HECW1: variants seen among roughly 807,000 people sequenced by gnomAD.
HECW1 encodes HECT, C2 and WW domain containing E3 ubiquitin protein ligase 1.
HECW1 carries 61 observed loss-of-function variants against 182.3 expected under a neutral mutation model. That is an observed-to-expected ratio of 0.33 (90% CI 0.27 to 0.41). The LOEUF is 0.41. HECW1 is among the 10% of genes least tolerant of loss of function. The pLI is 1.00. For missense variants in HECW1, 1,739 were observed against 2,108.9 expected (o/e 0.82, Z 3.44); for synonymous variants, 859 against 832.6 (o/e 1.03, Z -0.55).
At chr7:43,384,005 TGAGGAG>T (rs781072561) in intron 6 of HECW1, among the ~76,000 whole-genome samples, 3 of 152,036 alleles carry the variant, frequency 2.0e-5, no homozygotes, top group Non-Finnish European at 4.4e-5. Flanking sequence ...TTGAGTAGAC[TGAGGAG>T]GAGGAGGAGG....
At chr7:43,492,511 GT>G (rs2078969902) in intron 18 of HECW1, among the ~76,000 whole-genome samples, 1 of 152,116 alleles carries the variant, frequency 6.6e-6, no homozygotes, top group South Asian at 2.1e-4. Flanking sequence ...GAATTTTACT[GT>G]TTTTAGACAG....
chr7:43,444,792 C>T lies in HECW1; in HGVS notation c.1620C>T (p.Ser540=), dbSNP rs745720386. Residue 540 remains serine, a synonymous_variant, in exon 11 of 30, where the codon TCC becomes TCT. Transcript: ENST00000395891. The surrounding 1 kb of genome is among the most constrained non-coding windows in gnomAD (Gnocchi z 4.3). ...RKSRPCSLPV[S]ELETVIASAC... is the part of the protein sequence containing the mutation. ...GCAGGCCCTGCTCCTTGCCTGTGTC[C>T]GAGCTGGAGACGGTGATCGCGTCAG... 5.6e-6 allele frequency: 9 copies of T among 1,613,984 alleles called. No homozygotes were observed. Among genetic ancestry groups the T allele is most frequent in the Admixed American group, 5.0e-5 (3 of 60,008 alleles).
chr7:43,370,858 A>G (rs1202190124), intron 6 of HECW1, among the ~76,000 whole-genome samples: 3 of 151,796 alleles, frequency 2.0e-5, no homozygotes, highest in Non-Finnish European at 2.9e-5. Flanking sequence ...GAATAGGAGG[A>G]TCACAGAGGA....
At chr7:43,142,538 G>A (rs555796630) in intron 2 of HECW1, among the ~76,000 whole-genome samples, 2 of 152,266 alleles carry the variant, frequency 1.3e-5, no homozygotes, top group South Asian at 2.1e-4. Flanking sequence ...CAAAGCCAAC[G>A]TCCTGCTAGG....
chr7:43,145,998 T>C (rs1212492195), intron 2 of HECW1, among the ~76,000 whole-genome samples: 1 of 152,194 alleles, frequency 6.6e-6, no homozygotes, highest in African/African-American at 2.4e-5. Flanking sequence ...GATTTATCAC[T>C]TGGGGCCCTT....
At chr7:43,213,565 C>G (rs1342694075) in intron 2 of HECW1, among the ~76,000 whole-genome samples, 2 of 151,516 alleles carry the variant, frequency 1.3e-5, no homozygotes. Context: ...CCTGCCTCAG[C>G]CTCCTGAGTA....
At chr7:43,176,981 G>C (rs28568561) in intron 2 of HECW1, among the ~76,000 whole-genome samples, 1 of 152,140 alleles carries the variant, frequency 6.6e-6, no homozygotes, top group Non-Finnish European at 1.5e-5. Flanking sequence ...TGAGGCTGGA[G>C]TTTGAAAATT....
intron 3 of HECW1, among the ~76,000 whole-genome samples, chr7:43,291,267 C>T (rs1028454225): frequency 6.6e-6 from 1 of 152,218 alleles, no homozygotes; most frequent in Non-Finnish European, 1.5e-5. Flanking sequence ...ATCCTTTACG[C>T]ATTTGGATCA....
At chr7:43,267,125 A>G (rs1801887330) in intron 3 of HECW1, among the ~76,000 whole-genome samples, 1 of 152,184 alleles carries the variant, frequency 6.6e-6, no homozygotes, top group Admixed American at 6.6e-5. Context: ...AAAATCAAAT[A>G]ATATTTACAA....
intron 12 of HECW1, among the ~76,000 whole-genome samples, chr7:43,452,998 C>T (rs1381642893): frequency 2.0e-5 from 3 of 152,178 alleles, no homozygotes; most frequent in African/African-American, 7.2e-5. Context: ...ATGTGGTTAG[C>T]GAACTAGCAA....
intron 5 of HECW1, among the ~76,000 whole-genome samples, chr7:43,359,056 C>T (rs1815528023): frequency 6.6e-6 from 1 of 152,208 alleles, no homozygotes; most frequent in African/African-American, 2.4e-5. Context: ...AAACTCCTGA[C>T]CACAAATGAT....
At chr7:43,408,827 G>A (rs2075700767) in intron 8 of HECW1, among the ~76,000 whole-genome samples, 1 of 152,152 alleles carries the variant, frequency 6.6e-6, no homozygotes, top group Non-Finnish European at 1.5e-5. Flanking sequence ...GTATAATGTA[G>A]GTTAAAAGTA....
chr7:43,431,284 C>G (rs1052746427), intron 8 of HECW1, among the ~76,000 whole-genome samples: 2 of 152,152 alleles, frequency 1.3e-5, no homozygotes, highest in Non-Finnish European at 2.9e-5. Context: ...CTTCCATGCC[C>G]AGGCCTCTAT....
intron 5 of HECW1, among the ~76,000 whole-genome samples, chr7:43,328,619 A>C (rs1811088811): frequency 6.6e-6 from 1 of 152,216 alleles, no homozygotes; most frequent in Admixed American, 6.5e-5. Flanking sequence ...CATCTGGGGG[A>C]CATCAAAATT....
intron 6 of HECW1, among the ~76,000 whole-genome samples, chr7:43,396,389 A>G (rs540179273): frequency 6.6e-6 from 1 of 152,338 alleles, no homozygotes; most frequent in South Asian, 2.1e-4. Flanking sequence ...TAATAAGTGG[A>G]GATGCAGCAG....
intron 2 of HECW1, among the ~76,000 whole-genome samples, chr7:43,232,184 G>C (rs1797944872): frequency 6.6e-6 from 1 of 152,166 alleles, no homozygotes; most frequent in African/African-American, 2.4e-5. Context: ...GATTGGGATA[G>C]TTTGAATGGG....
intron 3 of HECW1, among the ~76,000 whole-genome samples, chr7:43,268,776 G>A (rs1341869415): frequency 2.6e-5 from 4 of 151,814 alleles, no homozygotes; most frequent in African/African-American, 9.7e-5. Flanking sequence ...GTTGTTGTTT[G>A]TTTGTTTGTT....
At chr7:43,250,764 T>C (rs1381454342) in intron 3 of HECW1, among the ~76,000 whole-genome samples, 1 of 152,220 alleles carries the variant, frequency 6.6e-6, no homozygotes, top group Admixed American at 6.5e-5. Context: ...TAGGTTTGAT[T>C]TTATTAATGA....
intron 5 of HECW1, among the ~76,000 whole-genome samples, chr7:43,356,829 GA>G (rs139994965): frequency 0.13 from 19,468 of 152,092 alleles, 1,362 homozygotes; most frequent in South Asian, 0.26. Flanking sequence ...AAAATTTTTT[GA>G]AACAAATCAA....
Sources: allele counts gnomAD v4.1 joint callset (sites outside exome capture counted in the v4.1 genomes callset), GRCh38; gene constraint gnomAD v4.1.1; non-coding constraint Gnocchi (gnomAD v3.1); transcripts MANE v1.5; gene names NCBI Gene and HGNC (gene_info 2026-07-23, HGNC 2026-07-21).